Variants in RARA observed in about 807,000 individuals in gnomAD.
RARA encodes PML-DDX5-RARA fusion.
In RARA, 5 loss-of-function variants were observed where a neutral mutation model predicts 42.8. The observed-to-expected ratio is 0.12, with a 90% CI of 0.06 to 0.25. The LOEUF (loss-of-function observed/expected upper bound fraction) is 0.25. Among genes scored for constraint, RARA ranks in the 10% least tolerant of loss-of-function variants. RARA has a pLI of 1.00. For missense variants in RARA, 402 were observed against 628.7 expected (o/e 0.64, Z 3.86); for synonymous variants, 256 against 259.5 (o/e 0.99, Z 0.13).
chr17:40,341,755 G>A, intron 2 of RARA: 1 of 1,285,680 alleles, frequency 7.8e-7, no homozygotes, highest in Non-Finnish European at 9.8e-7. Context: ...CCTCTTCCCC[G>A]CCCCACCACC....
chr17:40,348,673 C>A, intron 3 of RARA: 1 of 506,540 alleles, frequency 2.0e-6, no homozygotes, highest in Non-Finnish European at 3.3e-6. Context: ...AACCAGAGGT[C>A]CCCTCCTGCC....
chr17:40,319,086 C>T (rs559831631), intron 1 of RARA, among the ~76,000 whole-genome samples: 1 of 152,306 alleles, frequency 6.6e-6, no homozygotes, highest in East Asian at 1.9e-4. Context: ...GACTTGTCGA[C>T]TTTGCTCTGC....
chr17:40,347,288 G>T (rs550737321), intron 2 of RARA, among the ~76,000 whole-genome samples: 15 of 152,292 alleles, frequency 9.8e-5, no homozygotes, highest in Non-Finnish European at 2.1e-4. Context: ...GTTGGTAGGG[G>T]CCTCAGGACG....
chr17:40,321,308 G>A (rs1451144177), intron 1 of RARA, among the ~76,000 whole-genome samples: 1 of 151,972 alleles, frequency 6.6e-6, no homozygotes, highest in African/African-American at 2.4e-5. Context: ...GCTTCGTCTG[G>A]ATCTTGCCTC....
rs537387588 is a variant in RARA at position 40,320,384 on chromosome 17, C to A, written c.-362-10473C>A. On this transcript the variant is annotated intron_variant, in intron 1 of 8. Coordinates refer to ENST00000254066, the MANE Select transcript of RARA (RefSeq NM_000964.4). The surrounding 1 kb of genome is among the most constrained non-coding windows in gnomAD (Gnocchi z 4.1). ...CATCCTGATCACCCATGTGCCTCCCCCGCTGGGCACAGTCACCCACACATG... is the reference window on the plus strand; with the variant it reads ...CATCCTGATCACCCATGTGCCTCCCACGCTGGGCACAGTCACCCACACATG... Among the ~76,000 whole-genome samples, 1 of 152,286 alleles carries A rather than the reference C, an allele frequency of 6.6e-6. No individual in the cohort carries two copies. The highest frequency in any genetic ancestry group is 1.9e-4 in the East Asian group (1 of 5,180).
At position 40,355,615 on chromosome 17, in the gene RARA, C is replaced by T. The variant is rs954037192; in HGVS notation, c.1171+194C>T. On this transcript the variant is annotated intron_variant, in intron 8 of 8. Coordinates refer to ENST00000254066, the MANE Select transcript of RARA (RefSeq NM_000964.4). The surrounding 1 kb of genome is among the most constrained non-coding windows in gnomAD (Gnocchi z 4.1). ...GTCACCTTTGTGTGGTAGTTCAGAT[C>T]GTGGCTCTGGAACCAGACACGTGGG... Among the ~76,000 whole-genome samples, 3 of 152,230 alleles carry T rather than the reference C, an allele frequency of 2.0e-5. No individual in the cohort carries two copies. The highest frequency in any genetic ancestry group is 4.4e-5 in the Non-Finnish European group (3 of 68,032).
intron 1 of RARA, among the ~76,000 whole-genome samples, chr17:40,316,920 A>T (rs923823314): frequency 1.2e-4 from 18 of 152,212 alleles, no homozygotes; most frequent in Non-Finnish European, 1.9e-4. Context: ...AGCGCGGCCC[A>T]GCACTGCTGG....
In RARA at chr17:40,346,704, G is replaced by T. The variant is rs529334680; in HGVS notation, c.179-1612G>T. On this transcript the variant is annotated intron_variant, in intron 2 of 8. Coordinates refer to ENST00000254066, the MANE Select transcript of RARA (RefSeq NM_000964.4). ...CTGATTTGCTTGTCTGGCCTGGGGA[G>T]AATGAGGTGGGAGAAAACCAGGCCA... Among the ~76,000 whole-genome samples the T allele has an allele frequency of 2.0e-5, 3 of 152,050 alleles. No individual in the cohort carries two copies. The East Asian group carries it at 5.8e-4, about 29-fold the overall frequency.
At chr17:40,319,258 C>T (rs1235704507) in intron 1 of RARA, among the ~76,000 whole-genome samples, 2 of 152,040 alleles carry the variant, frequency 1.3e-5, no homozygotes, top group African/African-American at 2.4e-5. Flanking sequence ...CTGCTCCTTG[C>T]GAAAGGAAAG....
intron 2 of RARA, among the ~76,000 whole-genome samples, chr17:40,340,638 T>C (rs1476785251): frequency 1.3e-5 from 2 of 152,260 alleles, no homozygotes; most frequent in Admixed American, 6.5e-5. Flanking sequence ...TTTGAGTTCT[T>C]CCCTAATTTA....
Position 40,326,412 on chromosome 17 carries a change from C to T in RARA, c.-362-4445C>T, listed in dbSNP as rs2033547063. On this transcript the variant is annotated intron_variant, in intron 1 of 8. Coordinates refer to ENST00000254066, the MANE Select transcript of RARA (RefSeq NM_000964.4). This position sits in a 1 kb window ranked among gnomAD's most constrained non-coding sequence, Gnocchi z 5.2. ...AGAGTGGCAGAGCTGAGATTTGACC[C>T]TTCCGACTTCTGGTTCTTTCTCCCA... The T allele has an allele frequency of 6.6e-6, 1 of 152,290 alleles. No individual in the cohort carries two copies. Among genetic ancestry groups the T allele is most frequent in the African/African-American group, 2.4e-5 (1 of 41,460 alleles). 9.4% of individuals were successfully genotyped at this position (152,290 alleles called of 1,614,324 possible). A position where few individuals can be genotyped will look rare whatever the true frequency, so the allele number is the denominator to read the frequency against.
rs1567763961 is a variant in RARA at position 40,352,176 on chromosome 17, C to T, written c.630+106C>T. On this transcript the variant is annotated intron_variant, in intron 5 of 8. Transcript: ENST00000254066. This position sits in a 1 kb window ranked among gnomAD's most constrained non-coding sequence, Gnocchi z 4.9. ...TTGTGCCAGGCAAGATCTCTGCGTC[C>T]TTCCCTTCCCCTCTCTTCTCCCTCC... is the stretch of plus-strand genomic sequence containing the variant. 2 of 1,478,382 alleles carry T rather than the reference C, an allele frequency of 1.4e-6. No homozygotes were observed. Among genetic ancestry groups the T allele is most frequent in the South Asian group, 2.8e-5 (2 of 71,392 alleles). The allele number at this position is 1,478,382 out of a possible 1,614,324, so 91.6% of individuals were successfully genotyped here.
chr17:40,347,176 G>C (rs1337422789), intron 2 of RARA, among the ~76,000 whole-genome samples: 1 of 152,182 alleles, frequency 6.6e-6, no homozygotes, highest in Non-Finnish European at 1.5e-5. Context: ...CGGAGTTTGG[G>C]GTAGGGCTAG....
intron 1 of RARA, among the ~76,000 whole-genome samples, chr17:40,321,731 C>T (rs564464320): frequency 6.6e-6 from 1 of 152,290 alleles, no homozygotes; most frequent in African/African-American, 2.4e-5. Flanking sequence ...CAGGCTGGCC[C>T]GCACCTGTTG....
chr17:40,319,771 C>T (rs2033321382), intron 1 of RARA, among the ~76,000 whole-genome samples: 1 of 152,022 alleles, frequency 6.6e-6, no homozygotes, highest in South Asian at 2.1e-4. Context: ...CGGGGAAGCC[C>T]CGGGTTGGAG....
chr17:40,341,963 T>A, intron 2 of RARA: 1 of 1,132,108 alleles, frequency 8.8e-7, no homozygotes, highest in Non-Finnish European at 1.1e-6. Flanking sequence ...GCTTCTCTCC[T>A]CTCCTCCCCC....
rs144842676 is a variant in RARA, at chr17:40,331,191, G to A, written c.-28G>A. The A allele has an allele frequency of 2.5e-6, 4 of 1,588,298 alleles. No individual in the cohort carries two copies. The South Asian group carries it at 4.5e-5, about 18-fold the overall frequency. On this transcript the variant is annotated 5_prime_UTR_variant, in exon 2 of 9. Coordinates refer to ENST00000254066, the MANE Select transcript of RARA (RefSeq NM_000964.4). ...ACCAGAGCCCCCTGCCAGACTGTCT[G>A]CCTCCCTTCTGACTGTGGCCGCTTG...
intron 1 of RARA, among the ~76,000 whole-genome samples, chr17:40,327,275 G>C (rs186129862): frequency 1.3e-5 from 2 of 152,204 alleles, no homozygotes; most frequent in African/African-American, 4.8e-5. Context: ...ACCCCCAAAG[G>C]CTGGGTCAGG....
chr17:40,332,187 C>T (rs1200539301), intron 2 of RARA, among the ~76,000 whole-genome samples: 1 of 152,146 alleles, frequency 6.6e-6, no homozygotes, highest in Non-Finnish European at 1.5e-5. Flanking sequence ...GGGCTGGGGC[C>T]TGCCAGGCCG....
Sources: gnomAD v4.1 joint callset for allele counts (sites outside exome capture counted in the v4.1 genomes callset) on GRCh38, gnomAD v4.1.1 for gene constraint, Gnocchi (gnomAD v3.1) non-coding constraint, MANE v1.5 for transcripts, NCBI Gene and HGNC (gene_info 2026-07-23, HGNC 2026-07-21) for gene names.